The following ARHGAP22 variants were observed in gnomAD, a reference collection of about 807,000 sequenced individuals.
ARHGAP22 encodes Rho GTPase activating protein 22, also known as rho GTPase-activating protein 22.
In ARHGAP22, 48 loss-of-function variants were observed where a neutral mutation model predicts 59.1. The observed-to-expected ratio is 0.81, with a 90% confidence interval of 0.64 to 1.03. The LOEUF (loss-of-function observed/expected upper bound fraction) is 1.03. Among genes scored for constraint, ARHGAP22 ranks in the 50% least tolerant of loss-of-function variants. ARHGAP22 has a pLI of 0.00. For missense variants in ARHGAP22, 1,015 were observed against 958.7 expected, an observed-to-expected ratio of 1.06 and a Z score of -0.78; for synonymous variants, 445 against 416.4, an observed-to-expected ratio of 1.07 and a Z score of -0.84.
At chr10:48,541,695 C>A (rs1251171440) in intron 3 of ARHGAP22, among the ~76,000 whole-genome samples, 1 of 152,088 alleles carries the variant, frequency 6.6e-6, no homozygotes, top group African/African-American at 2.4e-5. Context: ...GAGTATAGAC[C>A]ATGTTATGCA....
At position 48,454,819 on chromosome 10, in the gene ARHGAP22, T is replaced by G. The variant is rs528103827; in HGVS notation, c.792+183A>C. On this transcript the variant is annotated intron_variant, in intron 6 of 9. Coordinates refer to ENST00000249601, the MANE Select transcript of ARHGAP22 (RefSeq NM_021226.4). ...CCAGCCCTCCCCGACCTGAGCAGGA[T>G]GCCCTGGCCCCTCCCCCACCCAAGC... Among the ~76,000 whole-genome samples the G allele has an allele frequency of 1.5e-4, 22 of 151,510 alleles. No individual in the cohort carries two copies. The South Asian group carries it at 4.6e-3, about 32-fold the overall frequency.
chr10:48,522,865 C>T (rs1429823218), intron 3 of ARHGAP22, among the ~76,000 whole-genome samples: 1 of 152,234 alleles, frequency 6.6e-6, no homozygotes, highest in Non-Finnish European at 1.5e-5. Context: ...GAGGCTCAAC[C>T]ACAGATCATA....
chr10:48,472,290 G>A (rs923662128), intron 4 of ARHGAP22, among the ~76,000 whole-genome samples: 1 of 151,902 alleles, frequency 6.6e-6, no homozygotes, highest in African/African-American at 2.4e-5. Flanking sequence ...TTGGGAGGCC[G>A]AGGCAGGTGG....
At chr10:48,524,035 C>G (rs779616858) in intron 3 of ARHGAP22, 29 of 1,470,646 alleles carry the variant, frequency 2.0e-5, no homozygotes, top group South Asian at 1.3e-4. Context: ...GCGGGGCGCA[C>G]GTGCGCGCCG....
At chr10:48,650,812 G>A (rs1269827467) in intron 1 of ARHGAP22, among the ~76,000 whole-genome samples, 1 of 152,194 alleles carries the variant, frequency 6.6e-6, no homozygotes, top group African/African-American at 2.4e-5. Context: ...TTAGGTATTA[G>A]GCTTGAACAG....
chr10:48,627,650 T>C (rs1308075062), intron 1 of ARHGAP22, among the ~76,000 whole-genome samples: 3 of 152,240 alleles, frequency 2.0e-5, no homozygotes, highest in Admixed American at 6.5e-5. Flanking sequence ...GCTTGGCTCA[T>C]GCCCACAGCA....
upstream of ARHGAP22, among the ~76,000 whole-genome samples, chr10:48,608,654 T>A (rs2060768132): frequency 6.6e-6 from 1 of 152,224 alleles, no homozygotes; most frequent in Non-Finnish European, 1.5e-5. Flanking sequence ...CTCCCTTGCA[T>A]GTCACTCAAG....
At chr10:48,595,253 G>T (rs1340360740) in intron 1 of ARHGAP22, among the ~76,000 whole-genome samples, 5 of 152,178 alleles carry the variant, frequency 3.3e-5, no homozygotes, top group Non-Finnish European at 5.9e-5. Flanking sequence ...GAGCAAAATG[G>T]ATCTCAGAGC....
intron 3 of ARHGAP22, among the ~76,000 whole-genome samples, chr10:48,480,195 T>TC (rs2049157831): frequency 6.6e-6 from 1 of 152,084 alleles, no homozygotes; most frequent in African/African-American, 2.4e-5. Context: ...GGGCCTCCCT[T>TC]CCCCATCCTG....
chr10:48,504,687 C>T (rs2051897624), intron 3 of ARHGAP22, among the ~76,000 whole-genome samples: 1 of 152,056 alleles, frequency 6.6e-6, no homozygotes, highest in African/African-American at 2.4e-5. Context: ...TGTGGGGCTC[C>T]GTGGGCTGAG....
rs147836220 is a variant in ARHGAP22, at chr10:48,534,033, A to G, written c.322+21430T>C. On this transcript the variant is annotated intron_variant, in intron 3 of 9. Coordinates refer to ENST00000249601, the MANE Select transcript of ARHGAP22 (RefSeq NM_021226.4). The stretch of plus-strand genomic sequence containing the variant: ...GACAGAGCAAGCTGTGAGGTCTGCC[A>G]GTGAGAGTGCATTCTCTGGCACACT... Among the ~76,000 whole-genome samples, 1,245 of 152,350 alleles carry G rather than the reference A, an allele frequency of 8.2e-3. 10 individuals carry two copies. Among genetic ancestry groups the G allele is most frequent in the Admixed American group, 0.02 (299 of 15,302 alleles).
intron 2 of ARHGAP22, among the ~76,000 whole-genome samples, chr10:48,556,036 C>A (rs180880655): frequency 6.6e-6 from 1 of 152,296 alleles, no homozygotes; most frequent in African/African-American, 2.4e-5. Context: ...GAGTCAGTTA[C>A]CATGTACATG....
intron 3 of ARHGAP22, among the ~76,000 whole-genome samples, chr10:48,527,228 AATGG>A (rs924583157): frequency 4.0e-5 from 6 of 149,530 alleles, no homozygotes; most frequent in African/African-American, 1.5e-4. Context: ...TGGATGGGTA[AATGG>A]ATGGATGGAT....
At chr10:48,528,264 C>A (rs929673850) in intron 3 of ARHGAP22, among the ~76,000 whole-genome samples, 4 of 152,168 alleles carry the variant, frequency 2.6e-5, no homozygotes, top group African/African-American at 9.7e-5. Context: ...ATCCAAGGCA[C>A]CCTCACAGCA....
In ARHGAP22 at chr10:48,450,518, C is replaced by G. The variant is rs1401067476; in HGVS notation, c.1611G>C (p.Ser537=). The G allele has an allele frequency of 6.6e-6, 10 of 1,525,076 alleles. No individual in the cohort carries two copies. Among genetic ancestry groups the G allele is most frequent in the South Asian group, 2.5e-5 (2 of 79,426 alleles). 94.5% of individuals were successfully genotyped at this position (1,525,076 alleles called of 1,614,324 possible). Residue 537 remains serine (S), a synonymous_variant, in exon 9 of 10, where the codon TCG becomes TCC. Transcript: ENST00000249601. The part of the protein sequence containing the change: ...SSCTACRASD[S]SARSSLHTDW... The stretch of plus-strand genomic sequence containing the variant: ...CGGTGTGCAGGGAACTGCGGGCAGA[C>G]GAGTCGCTGGCGCGGCAGGCCGTGC...
intron 2 of ARHGAP22, chr10:48,575,291 T>C (rs957636445): frequency 6.6e-6 from 1 of 152,268 alleles, no homozygotes; most frequent in African/African-American, 2.4e-5. Context: ...CAGGTATTTC[T>C]TTATAGCAAT....
chr10:48,555,644 G>A, intron 2 of ARHGAP22, 94 bp from the exon 3 acceptor site: 1 of 1,261,536 alleles, frequency 7.9e-7, no homozygotes, highest in Non-Finnish European at 1.1e-6. Context: ...GTTAGGACCT[G>A]GGGCCCTCCA....
intron 2 of ARHGAP22, among the ~76,000 whole-genome samples, chr10:48,559,523 A>G (rs543628435): frequency 6.6e-6 from 1 of 152,322 alleles, no homozygotes; most frequent in African/African-American, 2.4e-5. Flanking sequence ...ACATTGCAAA[A>G]TTGCTTTCAA....
chr10:48,531,913 G>A (rs1220702311), intron 3 of ARHGAP22, among the ~76,000 whole-genome samples: 1 of 152,200 alleles, frequency 6.6e-6, no homozygotes, highest in East Asian at 1.9e-4. Context: ...AAGCCCTGTG[G>A]AGTGCTGGAT....
Sources: gnomAD v4.1 joint callset for allele counts (sites outside exome capture counted in the v4.1 genomes callset) on GRCh38, gnomAD v4.1.1 for gene constraint, MANE v1.5 for transcripts, NCBI Gene and HGNC (gene_info 2026-07-23, HGNC 2026-07-21) for gene names.